ASTN2: variants seen among roughly 807,000 people sequenced by gnomAD.
The protein encoded by ASTN2 is astrotactin 2, also known as astrotactin-2.
ASTN2 carries 54 observed loss-of-function variants against 139.8 expected under a neutral mutation model. The ratio of observed to expected loss-of-function variants is 0.39; its 90% CI spans 0.31 to 0.48. The LOEUF is 0.48. Ranked by LOEUF, ASTN2 falls within the 20% of genes least tolerant of loss-of-function variation. ASTN2 has a pLI of 0.95. For missense variants in ASTN2, 1,565 were observed against 1,725.1 expected, an observed-to-expected ratio of 0.91 and a Z score of 1.64; for synonymous variants, 756 against 719.5, an observed-to-expected ratio of 1.05 and a Z score of -0.81.
chr9:116,623,856 T>A (rs1856300971), intron 17 of ASTN2, among the ~76,000 whole-genome samples: 3 of 152,058 alleles, frequency 2.0e-5, no homozygotes, highest in East Asian at 3.9e-4. Flanking sequence ...CAAGATTTGA[T>A]CCAAAATATC....
chr9:116,642,057 T>C (rs372913568), intron 17 of ASTN2, among the ~76,000 whole-genome samples: 1 of 144,578 alleles, frequency 6.9e-6, no homozygotes, highest in African/African-American at 2.6e-5. Flanking sequence ...ATGAACCAGT[T>C]TGGGTAGTGG....
chr9:116,730,025 T>G lies in ASTN2; in HGVS notation c.2522-929A>C, dbSNP rs541253092. Among the ~76,000 whole-genome samples the G allele has an allele frequency of 3.3e-5, 5 of 152,252 alleles. No homozygotes were observed. The South Asian group carries it at 6.2e-4, about 19-fold the overall frequency. ...ACTTTGGGCGGTGGTAAATGAAAAA[T>G]TCTTGTTTTCTGACTTATATTCACA... On this transcript the variant is annotated intron_variant, in intron 14 of 22. Coordinates refer to ENST00000313400, the MANE Select transcript of ASTN2 (RefSeq NM_001365068.1).
chr9:116,799,706 T>TGGGGGG (rs71379228), intron 13 of ASTN2, among the ~76,000 whole-genome samples: 34 of 123,256 alleles, frequency 2.8e-4, no homozygotes, highest in African/African-American at 9.9e-4. Flanking sequence ...GGTAAGAGAG[T>TGGGGGG]GGGGGGGGGG....
rs145122304 is a variant in ASTN2, at chr9:117,007,337, G to C, written c.1591+755C>G. The stretch of plus-strand genomic sequence containing the variant: ...CTGCTTGTTTGACCACTGCAGCACT[G>C]TCCCATAGAAATTTTCAGAGTGATG... On this transcript the variant is annotated intron_variant, in intron 7 of 22. Coordinates refer to ENST00000313400, the MANE Select transcript of ASTN2 (RefSeq NM_001365068.1). 2.6e-3 allele frequency among the ~76,000 whole-genome samples: 401 copies of C among 152,210 alleles called. 14 individuals are homozygous for C. The South Asian group carries it at 0.066, about 25-fold the overall frequency.
At position 116,520,155 on chromosome 9, in the gene ASTN2, C is replaced by A. The variant is rs565326694; in HGVS notation, c.3356-32655G>T. On this transcript the variant is annotated intron_variant, in intron 19 of 22. Transcript: ENST00000313400. ...GAATCCTCCGTAACATTCTATGACA[C>A]CAGTATCATCCTAATACCAAAACCA... is the stretch of plus-strand genomic sequence containing the variant. Among the ~76,000 whole-genome samples the A allele has an allele frequency of 3.6e-4, 55 of 152,140 alleles. No individual in the cohort carries two copies. The South Asian group carries it at 8.3e-3, about 23-fold the overall frequency.
intron 3 of ASTN2, among the ~76,000 whole-genome samples, chr9:117,192,355 C>G (rs1006124763): frequency 6.7e-6 from 1 of 149,652 alleles, no homozygotes. Flanking sequence ...CTCTGCCATT[C>G]TACAAGTGAC....
intron 16 of ASTN2, among the ~76,000 whole-genome samples, chr9:116,676,621 G>A (rs1425496237): frequency 6.6e-6 from 1 of 152,174 alleles, no homozygotes; most frequent in African/African-American, 2.4e-5. Context: ...TCATGTCATA[G>A]TTAGCCATAA....
chr9:117,063,995 T>C (rs770185777), intron 5 of ASTN2, among the ~76,000 whole-genome samples: 1 of 152,046 alleles, frequency 6.6e-6, no homozygotes, highest in Non-Finnish European at 1.5e-5. Flanking sequence ...TGAAAGCAGC[T>C]GAAAGATTGT....
At position 116,840,409 on chromosome 9, in the gene ASTN2, G is replaced by A. The variant is rs551877646; in HGVS notation, c.2041-19626C>T. On this transcript the variant is annotated intron_variant, in intron 11 of 22. Coordinates refer to ENST00000313400, the MANE Select transcript of ASTN2 (RefSeq NM_001365068.1). Reference sequence around the variant, plus strand: ...CTGTTGGGTACACCTCCCAGACGGGGTGGTGGCCAGGCAGAGGGGCTCCTC... The same window carrying A: ...CTGTTGGGTACACCTCCCAGACGGGATGGTGGCCAGGCAGAGGGGCTCCTC... Among the ~76,000 whole-genome samples, 125 of 150,576 alleles carry A rather than the reference G, an allele frequency of 8.3e-4. 1 individual carries two copies. Among genetic ancestry groups the A allele is most frequent in the Non-Finnish European group, 1.4e-3 (92 of 67,716 alleles).
At chr9:116,802,083 CTTTTTTTT>C (rs796156202) in intron 13 of ASTN2, among the ~76,000 whole-genome samples, 69 of 121,730 alleles carry the variant, frequency 5.7e-4, no homozygotes, top group South Asian at 1.8e-3. Context: ...TTCTTTCTTT[CTTTTTTTT>C]TTTTTTTTTT....
At chr9:116,820,274 T>G (rs1831449762) in intron 12 of ASTN2, among the ~76,000 whole-genome samples, 1 of 152,152 alleles carries the variant, frequency 6.6e-6, no homozygotes, top group African/African-American at 2.4e-5. Context: ...GACGTCTGCT[T>G]TTGTCTCCAA....
intron 16 of ASTN2, among the ~76,000 whole-genome samples, chr9:116,718,848 C>T (rs187557152): frequency 2.0e-3 from 307 of 151,884 alleles, no homozygotes; most frequent in Admixed American, 6.3e-3. Context: ...CATCTGCTCT[C>T]CTAGGTCTCC....
At chr9:116,492,607 A>G (rs1000866384) in intron 19 of ASTN2, among the ~76,000 whole-genome samples, 1 of 152,118 alleles carries the variant, frequency 6.6e-6, no homozygotes, top group Non-Finnish European at 1.5e-5. Context: ...TTATGAGATA[A>G]AATCACTGAG....
intron 2 of ASTN2, among the ~76,000 whole-genome samples, chr9:117,256,183 T>C (rs550071935): frequency 1.3e-5 from 2 of 152,268 alleles, no homozygotes; most frequent in East Asian, 3.9e-4. Context: ...CAACTCATGT[T>C]CAGCCTCACC....
At chr9:117,098,776 G>C (rs1828898611) in intron 4 of ASTN2, among the ~76,000 whole-genome samples, 1 of 117,742 alleles carries the variant, frequency 8.5e-6, no homozygotes, top group Admixed American at 8.5e-5. Flanking sequence ...ATATTTTACT[G>C]TTAAAAAAAA....
intron 11 of ASTN2, among the ~76,000 whole-genome samples, chr9:116,843,225 G>T (rs926517802): frequency 6.6e-6 from 1 of 152,156 alleles, no homozygotes; most frequent in Admixed American, 6.5e-5. Context: ...TTAAAAAAAT[G>T]TGGTGTGTAT....
At position 116,588,391 on chromosome 9, in the gene ASTN2, C is replaced by T. The variant is rs144936530; in HGVS notation, c.3355+29933G>A. Reference sequence around the variant, plus strand: ...GGAGCAGATTGACAGACCTGGGAACCGATAGTCTGTTTATTCACTGAGCAG... The same window carrying T: ...GGAGCAGATTGACAGACCTGGGAACTGATAGTCTGTTTATTCACTGAGCAG... On this transcript the variant is annotated intron_variant, in intron 19 of 22. Coordinates refer to ENST00000313400, the MANE Select transcript of ASTN2 (RefSeq NM_001365068.1). 1.3e-4 allele frequency among the ~76,000 whole-genome samples: 20 copies of T among 152,254 alleles called. No homozygotes were observed. In the East Asian group the frequency reaches 3.1e-3, roughly 24 times the overall value.
At chr9:116,502,761 G>GAGAA (rs2119146888) in intron 19 of ASTN2, among the ~76,000 whole-genome samples, 1 of 50,876 alleles carries the variant, frequency 2.0e-5, no homozygotes, top group East Asian at 4.7e-4. Context: ...GAAGGAAGGA[G>GAGAA]AGAAGGAAGG....
chr9:117,071,609 C>T (rs1256331139), intron 5 of ASTN2, among the ~76,000 whole-genome samples: 161 of 150,008 alleles, frequency 1.1e-3, no homozygotes, highest in African/African-American at 3.7e-3. Context: ...CCTCCCCCAG[C>T]CTCGCTGCCG....
Sources: allele counts gnomAD v4.1 joint callset (sites outside exome capture counted in the v4.1 genomes callset), GRCh38; gene constraint gnomAD v4.1.1; transcripts MANE v1.5; gene names NCBI Gene and HGNC (gene_info 2026-07-23, HGNC 2026-07-21).